Variants in HEATR3 observed in about 807,000 individuals in gnomAD.
The protein encoded by HEATR3 is HEAT repeat-containing protein 3.
HEATR3 carries 56 observed loss-of-function variants against 72.8 expected under a neutral mutation model. The observed-to-expected ratio is 0.77, with a 90% CI of 0.62 to 0.96. HEATR3 has a LOEUF of 0.96. Among genes scored for constraint, HEATR3 ranks in the 40% least tolerant of loss-of-function variants. The pLI is 0.00. For synonymous variants in HEATR3, 331 were observed against 318.1 expected (o/e 1.04, Z -0.43); for missense variants, 747 against 831.4 (o/e 0.90, Z 1.25).
chr16:50,086,120 C>A, intron 10 of HEATR3, 95 bp from the exon 11 acceptor site: 1 of 1,138,702 alleles, frequency 8.8e-7, no homozygotes, highest in Non-Finnish European at 1.2e-6. Context: ...ACAGATATTT[C>A]CAGTCAGAAC....
At chr16:50,066,957 GAGAC>G (rs768607545) in intron 2 of HEATR3, 66 of 179,570 alleles carry the variant, frequency 3.7e-4, no homozygotes, top group African/African-American at 1.4e-3. Flanking sequence ...TGTTGATGGG[GAGAC>G]AGACAGGAAG....
Position 50,066,018 on chromosome 16 carries a change from C to T in HEATR3, c.-114C>T, listed in dbSNP as rs1347815867. Reference sequence around the variant, plus strand: ...CACGGCTTGCCCATGTGTGCTGCAGCCGTCAGCCGGCCCAGCTGAGCAGCA... The same window carrying T: ...CACGGCTTGCCCATGTGTGCTGCAGTCGTCAGCCGGCCCAGCTGAGCAGCA... On this transcript the variant is annotated 5_prime_UTR_variant, in exon 1 of 15. Transcript: ENST00000299192. The T allele has an allele frequency of 1.0e-5, 12 of 1,151,434 alleles. No individual in the cohort carries two copies. Among genetic ancestry groups the T allele is most frequent in the South Asian group, 1.4e-5 (1 of 70,804 alleles). The allele number at this position is 1,151,434 out of a possible 1,614,324, so 71.3% of individuals were successfully genotyped here.
chr16:50,076,409 A>T (rs1230509669), intron 6 of HEATR3, among the ~76,000 whole-genome samples: 1 of 151,984 alleles, frequency 6.6e-6, no homozygotes, highest in Non-Finnish European at 1.5e-5. Context: ...GCTGGTCTTG[A>T]GCTCGGGACC....
At chr16:50,066,636 C>T (rs751393868) in intron 2 of HEATR3, 97 bp downstream of exon 2, 77 of 1,109,552 alleles carry the variant, frequency 6.9e-5, no homozygotes, top group Non-Finnish European at 8.7e-5. Flanking sequence ...TTCTGTGTGC[C>T]ATCAGGCACT....
In HEATR3 at chr16:50,078,775, C is replaced by G. The variant is rs773232911; in HGVS notation, c.798C>G (p.Cys266Trp). The change falls in exon 7 of 15, where the codon TGC becomes TGG. Residue 266 changes from cysteine (C) to tryptophan (W), a missense_variant. Cys to Trp is a radical substitution (Grantham distance 215). Transcript: ENST00000299192. ...GGAATCTAAAGGACATTATTCCATGCAAGAGTCAAGCAGAAATCATAAATG... is the reference window on the plus strand; with the variant it reads ...GGAATCTAAAGGACATTATTCCATGGAAGAGTCAAGCAGAAATCATAAATG... ...TIWNLKDIIP[C>W]KSQAEIINAL... 5.0e-6 allele frequency: 8 copies of G among 1,613,784 alleles called. No homozygotes were observed. Among genetic ancestry groups the G allele is most frequent in the Non-Finnish European group, 5.1e-6 (6 of 1,179,966 alleles).
chr16:50,072,782 T>A (rs1011616864), intron 5 of HEATR3, 68 bp downstream of exon 5: 11 of 949,650 alleles, frequency 1.2e-5, no homozygotes, highest in Non-Finnish European at 1.7e-5. Flanking sequence ...TATGCAGCTT[T>A]GGCGTGTTTA....
At chr16:50,082,274 C>T (rs1304805805) in intron 7 of HEATR3, among the ~76,000 whole-genome samples, 7 of 151,868 alleles carry the variant, frequency 4.6e-5, no homozygotes, top group Non-Finnish European at 1.0e-4. Flanking sequence ...ACCCAGGAGG[C>T]GGAGATTGCA....
At position 50,105,060 on chromosome 16, in the gene HEATR3, A is replaced by G; in HGVS notation, c.2042A>G (p.Ter681=). 1 of 1,608,720 alleles carries G rather than the reference A, an allele frequency of 6.2e-7. No homozygotes were observed. The highest frequency in any genetic ancestry group is 8.5e-7 in the Non-Finnish European group (1 of 1,178,768). Residue 681 remains the stop codon, a stop_retained_variant, in exon 15 of 15, where the codon TAA becomes TGA. Coordinates refer to ENST00000299192, the MANE Select transcript of HEATR3 (RefSeq NM_182922.4). Reference sequence around the variant, plus strand: ...ACTGTTGAGAAAAGACTGACTTCTTAAACAATCCAAAAAAGAAACCAGTTC... The same window carrying G: ...ACTGTTGAGAAAAGACTGACTTCTTGAACAATCCAAAAAAGAAACCAGTTC... ...QETVEKRLTS[*]
At chr16:50,089,068 C>T (rs1321594444) in intron 11 of HEATR3, among the ~76,000 whole-genome samples, 1 of 152,170 alleles carries the variant, frequency 6.6e-6, no homozygotes, top group African/African-American at 2.4e-5. Context: ...TCACTGAGGC[C>T]AGCACATTTA....
chr16:50,089,228 TA>T (rs2037054443), intron 11 of HEATR3, among the ~76,000 whole-genome samples: 3 of 152,148 alleles, frequency 2.0e-5, no homozygotes, highest in Non-Finnish European at 2.9e-5. Context: ...TTTTTTTTTT[TA>T]AGGTTCAGGA....
intron 5 of HEATR3, chr16:50,073,697 A>G (rs2036661962): frequency 3.3e-5 from 5 of 152,324 alleles, no homozygotes; most frequent in Middle Eastern, 3.4e-3. Flanking sequence ...ACTTCAGGAA[A>G]GTTAGTTCAT....
chr16:50,105,274 A>G lies in HEATR3; in HGVS notation c.*213A>G. 2.3e-6 allele frequency: 1 copy of G among 437,182 alleles called. No individual in the cohort carries two copies. The allele number at this position is 437,182 out of a possible 1,614,324, so 27.1% of individuals were successfully genotyped here. A position where few individuals can be genotyped will look rare whatever the true frequency, so the allele number is the denominator to read the frequency against. ...CGAGGCGGGTGGATCACTTGAGGTC[A>G]GGAGTTTGAGGCCAGCCTGGCCAAC... On this transcript the variant is annotated 3_prime_UTR_variant, in exon 15 of 15. Coordinates refer to ENST00000299192, the MANE Select transcript of HEATR3 (RefSeq NM_182922.4).
At chr16:50,076,923 C>T (rs1301156542) in intron 6 of HEATR3, among the ~76,000 whole-genome samples, 21 of 140,802 alleles carry the variant, frequency 1.5e-4, no homozygotes, top group Admixed American at 3.7e-4. Context: ...GGCTGGAGTG[C>T]GTGGCGCGAT....
rs1442489183 is a variant in HEATR3 at position 50,066,277 on chromosome 16, G to C, written c.138+8G>C. On this transcript the variant is annotated splice_region_variant and intron_variant, in intron 1 of 14. Transcript: ENST00000299192. ...GCGGAGCTGCTGGAAAAGGTGAGGC[G>C]AGGGCTCCGTCGGGCCGGGAGGCGA... 3.8e-6 allele frequency: 6 copies of C among 1,575,848 alleles called. No homozygotes were observed. The highest frequency in any genetic ancestry group is 5.1e-6 in the Non-Finnish European group (6 of 1,165,222).
At chr16:50,100,720 GATGA>G (rs1383435684) in intron 13 of HEATR3, 2 of 266,336 alleles carry the variant, frequency 7.5e-6, no homozygotes, top group African/African-American at 4.6e-5. Context: ...TTCTCCTGCT[GATGA>G]ATGAACAATC....
intron 10 of HEATR3, among the ~76,000 whole-genome samples, chr16:50,085,879 CTT>C (rs1388362778): frequency 1.3e-5 from 2 of 151,818 alleles, no homozygotes; most frequent in Non-Finnish European, 2.9e-5. Flanking sequence ...AAATAAAAAA[CTT>C]AGCCAGGTGT....
intron 4 of HEATR3, among the ~76,000 whole-genome samples, 175 bp downstream of exon 4, chr16:50,070,465 C>T (rs966011360): frequency 2.0e-5 from 3 of 152,048 alleles, no homozygotes; most frequent in Admixed American, 1.3e-4. Context: ...TTTGGGAGGC[C>T]GAGGCGGGTG....
Position 50,105,240 on chromosome 16 carries a change from T to C in HEATR3, c.*179T>C, listed in dbSNP as rs1476555735. On this transcript the variant is annotated 3_prime_UTR_variant, in exon 15 of 15. Coordinates refer to ENST00000299192, the MANE Select transcript of HEATR3 (RefSeq NM_182922.4). ...GGCTCACGCCTATAATCCCAGCACC[T>C]TGGGAGACCGAGGCGGGTGGATCAC... 2.0e-5 allele frequency: 12 copies of C among 587,818 alleles called. No individual in the cohort carries two copies. The East Asian group carries it at 4.1e-4, about 20-fold the overall frequency. The allele number at this position is 587,818 out of a possible 1,614,324, so 36.4% of individuals were successfully genotyped here. A position where few individuals can be genotyped will look rare whatever the true frequency, so the allele number is the denominator to read the frequency against.
chr16:50,066,795 A>G (rs949839857), intron 2 of HEATR3: 7 of 378,104 alleles, frequency 1.9e-5, no homozygotes, highest in Non-Finnish European at 2.8e-5. Flanking sequence ...CGCACGTTTT[A>G]CACTCTCCAA....
Sources: allele counts gnomAD v4.1 joint callset (sites outside exome capture counted in the v4.1 genomes callset), GRCh38; gene constraint gnomAD v4.1.1; transcripts MANE v1.5; gene names NCBI Gene and HGNC (gene_info 2026-07-23, HGNC 2026-07-21).